The following PRKG1 variants were observed in gnomAD, a reference collection of about 807,000 sequenced individuals.
PRKG1 encodes the protein cGMP-dependent protein kinase 1.
In PRKG1, 35 loss-of-function variants were observed where a neutral mutation model predicts 88.1. The ratio of observed to expected loss-of-function variants is 0.40; its 90% confidence interval spans 0.30 to 0.53. The LOEUF is 0.53. PRKG1 is among the 20% of genes least tolerant of loss of function. The pLI is 0.59. For synonymous variants in PRKG1, 303 were observed against 292.5 expected, an observed-to-expected ratio of 1.04 and a Z score of -0.37; for missense variants, 540 against 839.8, an observed-to-expected ratio of 0.64 and a Z score of 4.41.
intron 2 of PRKG1, among the ~76,000 whole-genome samples, chr10:51,282,673 C>A (rs1191689123): frequency 1.3e-5 from 2 of 152,040 alleles, no homozygotes; most frequent in African/African-American, 4.8e-5. Context: ...TAGTTTATAT[C>A]CTTTTACTAA....
At chr10:51,133,195 G>T (rs1323026907) in intron 1 of PRKG1, among the ~76,000 whole-genome samples, 1 of 152,132 alleles carries the variant, frequency 6.6e-6, no homozygotes, top group African/African-American at 2.4e-5. Flanking sequence ...CATGTGGATG[G>T]CAAAACCAAC....
intron 3 of PRKG1, among the ~76,000 whole-genome samples, chr10:51,784,454 G>A (rs1005868978): frequency 1.3e-5 from 2 of 152,010 alleles, no homozygotes; most frequent in African/African-American, 4.8e-5. Context: ...AAGTTAAAAA[G>A]CAAAACAAAA....
intron 3 of PRKG1, chr10:51,698,987 A>C: frequency 6.2e-7 from 1 of 1,614,274 alleles, no homozygotes. Context: ...CAGAATTTTC[A>C]GAGCAATCTC....
intron 1 of PRKG1, among the ~76,000 whole-genome samples, chr10:51,010,471 T>C (rs1172226944): frequency 2.6e-5 from 4 of 152,226 alleles, no homozygotes; most frequent in African/African-American, 9.7e-5. Flanking sequence ...AATTCATCAA[T>C]AATATAACCC....
chr10:51,869,558 A>G (rs1204914762), intron 4 of PRKG1, among the ~76,000 whole-genome samples: 1 of 152,186 alleles, frequency 6.6e-6, no homozygotes, highest in Non-Finnish European at 1.5e-5. Flanking sequence ...CAAAGATCTT[A>G]TCATCTAGCT....
rs142197164 is a variant in PRKG1 at position 51,817,932 on chromosome 10, A to G, written c.698+13242A>G. On this transcript the variant is annotated intron_variant, in intron 4 of 17. Coordinates refer to ENST00000373980, the MANE Select transcript of PRKG1 (RefSeq NM_006258.4). Reference sequence around the variant, plus strand: ...TAGTCAATTGCTTCTTAAAGGTAAGACTTATGTATAAACAACAAGTAATCA... The same window carrying G: ...TAGTCAATTGCTTCTTAAAGGTAAGGCTTATGTATAAACAACAAGTAATCA... 2.1e-3 allele frequency among the ~76,000 whole-genome samples: 322 copies of G among 152,260 alleles called. 1 individual carries two copies. The highest frequency in any genetic ancestry group is 2.0e-3 in the Non-Finnish European group (134 of 68,012).
chr10:51,503,635 AATACATATGCACCTGG>A (rs762208022), intron 3 of PRKG1, among the ~76,000 whole-genome samples: 7 of 152,202 alleles, frequency 4.6e-5, no homozygotes, highest in Non-Finnish European at 7.3e-5. Context: ...TTGTGAAAGC[AATACATATGCACCTGG>A]CTTATCAGCT....
chr10:51,814,861 T>C (rs747836892), intron 4 of PRKG1, among the ~76,000 whole-genome samples: 4 of 152,214 alleles, frequency 2.6e-5, no homozygotes, highest in Admixed American at 6.5e-5. Flanking sequence ...CATTTCATAT[T>C]GTTACTTTCA....
chr10:51,372,012 G>A (rs1392313174), intron 2 of PRKG1, among the ~76,000 whole-genome samples: 1 of 152,130 alleles, frequency 6.6e-6, no homozygotes, highest in Non-Finnish European at 1.5e-5. Flanking sequence ...AGAAATGGAA[G>A]AAAAGTCAAA....
intron 3 of PRKG1, among the ~76,000 whole-genome samples, chr10:51,471,842 G>A (rs1840057051): frequency 6.6e-6 from 1 of 151,756 alleles, no homozygotes; most frequent in South Asian, 2.1e-4. Context: ...AAAACATCTT[G>A]GTGCCTGGTC....
rs891768054 is a variant in PRKG1, at chr10:51,438,037, A to G, written c.479-29686A>G. On this transcript the variant is annotated intron_variant, in intron 2 of 17. Coordinates refer to ENST00000373980, the MANE Select transcript of PRKG1 (RefSeq NM_006258.4). ...GTATTGGCCTCCTTGACAGCTTATTAGAAATATAGACTCTTAGGTTCTATT... is the reference window on the plus strand; with the variant it reads ...GTATTGGCCTCCTTGACAGCTTATTGGAAATATAGACTCTTAGGTTCTATT... Among the ~76,000 whole-genome samples the G allele has an allele frequency of 5.3e-5, 8 of 151,954 alleles. No individual in the cohort carries two copies. The East Asian group carries it at 7.8e-4, about 15-fold the overall frequency.
chr10:52,230,900 A>G (rs1413475223), intron 9 of PRKG1: 1 of 152,200 alleles, frequency 6.6e-6, no homozygotes, highest in East Asian at 1.9e-4. Context: ...CATCCTCTGA[A>G]TGTTCTGCTA....
At chr10:51,303,971 C>T (rs1223968316) in intron 2 of PRKG1, among the ~76,000 whole-genome samples, 2 of 151,996 alleles carry the variant, frequency 1.3e-5, no homozygotes, top group Non-Finnish European at 2.9e-5. Context: ...AGGCACCCAC[C>T]ACCATGCCCA....
At chr10:51,195,033 C>A (rs117582713) in intron 2 of PRKG1, among the ~76,000 whole-genome samples, 6 of 152,184 alleles carry the variant, frequency 3.9e-5, no homozygotes, top group Non-Finnish European at 8.8e-5. Context: ...TGGAGGGACA[C>A]GTTCAAACCG....
intron 3 of PRKG1, among the ~76,000 whole-genome samples, chr10:51,676,111 CA>C (rs879812918): frequency 1.2e-3 from 161 of 133,812 alleles, no homozygotes; most frequent in African/African-American, 2.5e-3. Context: ...TCTATTAAAA[CA>C]AAAAAAAAAA....
At chr10:51,113,815 T>A (rs949005776) in intron 1 of PRKG1, among the ~76,000 whole-genome samples, 5 of 151,386 alleles carry the variant, frequency 3.3e-5, no homozygotes, top group African/African-American at 1.2e-4. Flanking sequence ...ATAACTCAAT[T>A]CCATTGAAAG....
rs9415710 is a variant in PRKG1, at chr10:51,079,059, G to A, written c.311+4158G>A. Among the ~76,000 whole-genome samples, 3 of 152,064 alleles carry A rather than the reference G, an allele frequency of 2.0e-5. No homozygotes were observed. The South Asian group carries it at 6.2e-4, about 31-fold the overall frequency. On this transcript the variant is annotated intron_variant, in intron 1 of 17. Transcript: ENST00000373980. ...AAGTTGAGAGAATTCTAGAATTCTAGTGTAATCATAGATGGCATAATATTA... is the reference window on the plus strand; with the variant it reads ...AAGTTGAGAGAATTCTAGAATTCTAATGTAATCATAGATGGCATAATATTA...
intron 2 of PRKG1, among the ~76,000 whole-genome samples, chr10:51,276,354 C>T (rs1400039049): frequency 2.0e-5 from 3 of 152,200 alleles, no homozygotes; most frequent in Admixed American, 6.5e-5. Context: ...TTTCTTAATA[C>T]AGTCCATCAT....
At chr10:51,713,599 A>T (rs1841813136) in intron 3 of PRKG1, among the ~76,000 whole-genome samples, 1 of 152,228 alleles carries the variant, frequency 6.6e-6, no homozygotes, top group South Asian at 2.1e-4. Context: ...GTGGAATAAG[A>T]TATATATGAT....
Sources: allele counts gnomAD v4.1 joint callset (sites outside exome capture counted in the v4.1 genomes callset), GRCh38; gene constraint gnomAD v4.1.1; transcripts MANE v1.5; gene names NCBI Gene and HGNC (gene_info 2026-07-23, HGNC 2026-07-21).